The following AKAP13 variants were observed in gnomAD, a reference collection of about 807,000 sequenced individuals.
The protein encoded by AKAP13 is A-kinase anchoring protein 13.
In AKAP13, 80 loss-of-function variants were observed where a neutral mutation model predicts 264.5. That is an observed-to-expected ratio of 0.30 (90% CI 0.25 to 0.36). The LOEUF (loss-of-function observed/expected upper bound fraction) is 0.36, where lower values mean the gene tolerates loss of function less well. AKAP13 is among the 10% of genes least tolerant of loss of function. The pLI, the probability that AKAP13 is intolerant of heterozygous loss-of-function variation, is 1.00. For missense variants in AKAP13, 3,712 were observed against 3,435.2 expected, an observed-to-expected ratio of 1.08 and a Z score of -2.01; for synonymous variants, 1,380 against 1,250.2, an observed-to-expected ratio of 1.10 and a Z score of -2.19.
intron 27 of AKAP13, 41 bp downstream of exon 27, chr15:85,726,527 C>G (rs777824106): frequency 4.2e-5 from 65 of 1,535,154 alleles, no homozygotes; most frequent in Non-Finnish European, 5.8e-5. Context: ...TTATAAGCAG[C>G]TAGTTTAGTT....
At position 85,579,379 on chromosome 15, in the gene AKAP13, G is replaced by A. The variant is rs747868616; in HGVS notation, c.1311G>A (p.Glu437=). ...TKSSGMPTDQ[E]SLSSGDAVLQ... ...CTTCTGGAATGCCCACAGACCAGGA[G>A]TCCCTGAGCAGTGGAGATGCTGTGC... Residue 437 remains glutamate (E), a synonymous_variant, in exon 7 of 37, where the codon GAG becomes GAA. Coordinates refer to ENST00000394518, the MANE Select transcript of AKAP13 (RefSeq NM_007200.5). 7 of 1,614,084 alleles carry A rather than the reference G, an allele frequency of 4.3e-6. No homozygotes were observed. The Admixed American group carries it at 5.0e-5, about 12-fold the overall frequency.
intron 5 of AKAP13, among the ~76,000 whole-genome samples, chr15:85,574,085 G>GTA (rs2078923983): frequency 6.6e-6 from 1 of 152,184 alleles, no homozygotes; most frequent in African/African-American, 2.4e-5. Flanking sequence ...CTCTAACTCT[G>GTA]TATACCACAC....
At chr15:85,582,231 A>G (rs1026531347) in intron 7 of AKAP13, 124 bp downstream of exon 7, 7 of 1,094,018 alleles carry the variant, frequency 6.4e-6, no homozygotes, top group African/African-American at 1.6e-5. Context: ...TTGGGTAGGT[A>G]GCCAAGTTAA....
Position 85,718,201 on chromosome 15 carries a change from T to C in AKAP13, c.6001+42T>C, listed in dbSNP as rs775090693. On this transcript the variant is annotated intron_variant, in intron 22 of 36. Transcript: ENST00000394518. The surrounding 1 kb of genome is among the most constrained non-coding windows in gnomAD (Gnocchi z 4.9). ...TGCTCTGATTATATTTGATTTCCATTGTCCAGCATTTTTAAGCAGTAATTT... is the reference window on the plus strand; with the variant it reads ...TGCTCTGATTATATTTGATTTCCATCGTCCAGCATTTTTAAGCAGTAATTT... 1.3e-6 allele frequency: 2 copies of C among 1,594,800 alleles called. No homozygotes were observed. The highest frequency in any genetic ancestry group is 2.2e-5 in the South Asian group (2 of 89,812).
At chr15:85,619,297 A>G in intron 8 of AKAP13, 1 of 909,148 alleles carries the variant, frequency 1.1e-6, no homozygotes, top group African/African-American at 1.8e-5. Flanking sequence ...AAGGGCAAGC[A>G]GTGACGTTCT....
chr15:85,598,447 A>G (rs1029668024), intron 8 of AKAP13, among the ~76,000 whole-genome samples: 5 of 152,244 alleles, frequency 3.3e-5, no homozygotes, highest in African/African-American at 1.2e-4. Context: ...CGGGAGAGGC[A>G]TGGAAAAAAC....
chr15:85,723,326 G>T lies in AKAP13; in HGVS notation c.6745+6G>T, dbSNP rs779576176. ...TGCAGCAGGAAGGTTGAAAGGTAAG[G>T]CTTGGCTCTTTTGTCTTAAGTATGT... On this transcript the variant is annotated splice_donor_region_variant and intron_variant, in intron 26 of 36. Transcript: ENST00000394518. 2 of 1,613,248 alleles carry T rather than the reference G, an allele frequency of 1.2e-6. No homozygotes were observed. Among genetic ancestry groups the T allele is most frequent in the African/African-American group, 1.3e-5 (1 of 74,872 alleles).
intron 7 of AKAP13, chr15:85,583,241 T>C (rs1489473943): frequency 4.3e-6 from 4 of 921,584 alleles, no homozygotes; most frequent in Non-Finnish European, 5.2e-6. Flanking sequence ...TTTACACATA[T>C]GTATTAAGAA....
At chr15:85,443,732 T>G (rs1259641400) in intron 1 of AKAP13, among the ~76,000 whole-genome samples, 1 of 151,360 alleles carries the variant, frequency 6.6e-6, no homozygotes, top group Admixed American at 6.6e-5. Context: ...TGCATTTGTG[T>G]CAGTGGGTAA....
At chr15:85,697,360 G>A (rs893949294) in intron 17 of AKAP13, among the ~76,000 whole-genome samples, 1 of 152,116 alleles carries the variant, frequency 6.6e-6, no homozygotes, top group Non-Finnish European at 1.5e-5. Flanking sequence ...CACAAGGTCA[G>A]GAGTTCAAGA....
intron 1 of AKAP13, among the ~76,000 whole-genome samples, chr15:85,408,934 T>G (rs2071807540): frequency 1.3e-5 from 2 of 151,716 alleles, no homozygotes; most frequent in South Asian, 4.1e-4. Flanking sequence ...CCATTTTACA[T>G]TTCTAACAGC....
At chr15:85,474,493 A>G (rs2075079830) in intron 1 of AKAP13, among the ~76,000 whole-genome samples, 1 of 152,252 alleles carries the variant, frequency 6.6e-6, no homozygotes, top group Non-Finnish European at 1.5e-5. Flanking sequence ...AGCAAGAATG[A>G]CTGTCTAAGG....
intron 8 of AKAP13, among the ~76,000 whole-genome samples, chr15:85,601,650 T>TGTGTGTGTGTG (rs1567149369): frequency 3.9e-4 from 14 of 35,564 alleles, no homozygotes; most frequent in South Asian, 1.3e-3. Flanking sequence ...GTGTGTGTGT[T>TGTGTGTGTGTG]TTTCTTCCAG....
chr15:85,612,944 C>T (rs750250307), intron 8 of AKAP13, among the ~76,000 whole-genome samples: 5 of 152,072 alleles, frequency 3.3e-5, no homozygotes, highest in South Asian at 4.1e-4. Context: ...TTTGCACTTA[C>T]GGGCTTCATG....
intron 2 of AKAP13, among the ~76,000 whole-genome samples, chr15:85,505,062 G>A (rs1363465954): frequency 6.6e-6 from 1 of 152,124 alleles, no homozygotes; most frequent in Non-Finnish European, 1.5e-5. Context: ...AGGGAGAATT[G>A]TACATTGAAA....
intron 8 of AKAP13, among the ~76,000 whole-genome samples, chr15:85,594,706 A>C (rs189907621): frequency 1.3e-5 from 2 of 152,314 alleles, no homozygotes; most frequent in African/African-American, 4.8e-5. Flanking sequence ...CCATAGTAGA[A>C]AATTAAAAGA....
intron 35 of AKAP13, among the ~76,000 whole-genome samples, chr15:85,742,465 C>G (rs915561800): frequency 1.6e-4 from 25 of 152,152 alleles, no homozygotes; most frequent in Non-Finnish European, 1.5e-5. Flanking sequence ...GAGGCAGTTA[C>G]AGAGGGAAAC....
At chr15:85,508,950 C>G (rs945062227) in intron 2 of AKAP13, among the ~76,000 whole-genome samples, 7 of 152,156 alleles carry the variant, frequency 4.6e-5, no homozygotes, top group African/African-American at 1.7e-4. Flanking sequence ...GGAAAAGTAT[C>G]CTCTCATCCC....
intron 8 of AKAP13, among the ~76,000 whole-genome samples, chr15:85,632,015 C>G (rs1367260573): frequency 6.6e-6 from 1 of 152,006 alleles, no homozygotes; most frequent in Non-Finnish European, 1.5e-5. Context: ...TGTAACATGT[C>G]AAGAGATTTT....
Sources: allele counts gnomAD v4.1 joint callset (sites outside exome capture counted in the v4.1 genomes callset), GRCh38; gene constraint gnomAD v4.1.1; non-coding constraint Gnocchi (gnomAD v3.1); transcripts MANE v1.5; gene names NCBI Gene and HGNC (gene_info 2026-07-23, HGNC 2026-07-21).